The following CASK variants were observed in gnomAD, a reference collection of about 807,000 sequenced individuals.
CASK encodes the protein peripheral plasma membrane protein CASK.
In CASK, 4 loss-of-function variants were observed where a neutral mutation model predicts 82.9. The observed-to-expected ratio is 0.05, with a 90% CI of 0.02 to 0.11. The LOEUF (loss-of-function observed/expected upper bound fraction) is 0.11. Ranked by LOEUF, CASK falls within the 10% of genes least tolerant of loss-of-function variation. The probability of loss-of-function intolerance (pLI) is 1.00; values close to 1 mark genes in which losing one functional copy is unlikely to be tolerated. For synonymous variants in CASK, 259 were observed against 253.5 expected (o/e 1.02, Z -0.20); for missense variants, 358 against 720.9 (o/e 0.50, Z 5.76).
At chrX:41,823,740 T>C (rs1454316004) in intron 2 of CASK, among the ~76,000 whole-genome samples, 1 of 111,659 alleles carries the variant, frequency 9.0e-6, no homozygotes, top group Non-Finnish European at 1.9e-5. Context: ...TTCCCCCTCC[T>C]GGTTTCCTCT....
intron 15 of CASK, among the ~76,000 whole-genome samples, chrX:41,572,751 T>C (rs1185119581): frequency 1.8e-5 from 2 of 112,152 alleles, no homozygotes; most frequent in East Asian, 2.8e-4. Context: ...TTTACCCATA[T>C]AGCTATCATT....
At chrX:41,778,819 A>T (rs1353143978) in intron 3 of CASK, among the ~76,000 whole-genome samples, 1 of 109,666 alleles carries the variant, frequency 9.1e-6, no homozygotes, top group Non-Finnish European at 1.9e-5. Context: ...TGACCACCTA[A>T]ATGTTTTTTA....
chrX:41,846,297 T>C (rs1325100022), intron 2 of CASK, among the ~76,000 whole-genome samples: 1 of 111,191 alleles, frequency 9.0e-6, no homozygotes, highest in Non-Finnish European at 1.9e-5. Flanking sequence ...CTGGAGGTCA[T>C]TATGTTAAAT....
intron 1 of CASK, among the ~76,000 whole-genome samples, chrX:41,911,708 A>G (rs757052891): frequency 1.8e-5 from 2 of 112,008 alleles, no homozygotes; most frequent in South Asian, 3.7e-4. Context: ...TAATCTGTCA[A>G]TTGTCTAAAT....
intron 1 of CASK, among the ~76,000 whole-genome samples, chrX:41,854,224 GCACACACACACACA>G (rs4007745): frequency 3.8e-4 from 31 of 81,733 alleles, no homozygotes; most frequent in African/African-American, 9.7e-4. Context: ...GCGGGCGCGC[GCACACACACACACA>G]CACACACACA....
intron 10 of CASK, among the ~76,000 whole-genome samples, chrX:41,625,051 A>G (rs1190165215): frequency 2.7e-5 from 3 of 111,218 alleles, no homozygotes; most frequent in African/African-American, 9.8e-5. Context: ...ACACACACAC[A>G]CGCATTTACA....
chrX:41,679,061 G>A (rs774387745), intron 5 of CASK, among the ~76,000 whole-genome samples: 5 of 110,555 alleles, frequency 4.5e-5, no homozygotes, highest in Admixed American at 1.9e-4. Context: ...GCACCCCTGC[G>A]TGGGTGACAG....
At chrX:41,730,964 CAA>C (rs2068386558) in intron 5 of CASK, among the ~76,000 whole-genome samples, 1 of 112,021 alleles carries the variant, frequency 8.9e-6, no homozygotes, top group Non-Finnish European at 1.9e-5. Flanking sequence ...CTTGGCCTCC[CAA>C]AGTGTTGGGA....
At chrX:41,785,002 CTTTTTTTTTTT>C (rs368185380) in intron 3 of CASK, among the ~76,000 whole-genome samples, 1,556 of 74,823 alleles carry the variant, frequency 0.021, 34 homozygotes, top group African/African-American at 0.068. Context: ...TTTCAAAATT[CTTTTTTTTTTT>C]TTTTTTTTTT....
At chrX:41,803,585 G>A (rs935460017) in intron 2 of CASK, among the ~76,000 whole-genome samples, 2 of 111,148 alleles carry the variant, frequency 1.8e-5, no homozygotes, top group Admixed American at 1.9e-4. Context: ...GAGCGAGACT[G>A]TCTCAAAAAC....
intron 2 of CASK, among the ~76,000 whole-genome samples, chrX:41,843,712 G>A (rs746788714): frequency 9.1e-6 from 1 of 110,361 alleles, no homozygotes; most frequent in South Asian, 3.8e-4. Flanking sequence ...TCCATACCCT[G>A]GGCAACCACT....
At chrX:41,877,173 C>G (rs1463462944) in intron 1 of CASK, among the ~76,000 whole-genome samples, 2 of 111,466 alleles carry the variant, frequency 1.8e-5, no homozygotes, top group East Asian at 5.6e-4. Context: ...TGACCCCGTC[C>G]CTCTCTGTTT....
intron 8 of CASK, among the ~76,000 whole-genome samples, chrX:41,637,513 G>A (rs1171315533): frequency 8.0e-5 from 8 of 100,014 alleles, no homozygotes; most frequent in Non-Finnish European, 1.2e-4. Context: ...CCAGCACTTT[G>A]GGAGGCTGAG....
chrX:41,573,353 G>T (rs2065442438), intron 15 of CASK, among the ~76,000 whole-genome samples: 1 of 108,727 alleles, frequency 9.2e-6, no homozygotes, highest in African/African-American at 3.4e-5. Context: ...TGGATCTGTG[G>T]GTTTATAGTT....
At chrX:41,667,452 A>G (rs2067135008) in intron 6 of CASK, among the ~76,000 whole-genome samples, 1 of 112,196 alleles carries the variant, frequency 8.9e-6, no homozygotes, top group Admixed American at 9.5e-5. Context: ...GCAGTTTGAG[A>G]TATTTTGGAC....
At chrX:41,865,050 A>G (rs1413413727) in intron 1 of CASK, among the ~76,000 whole-genome samples, 1 of 112,292 alleles carries the variant, frequency 8.9e-6, no homozygotes, top group Non-Finnish European at 1.9e-5. Context: ...TAGGCGACAT[A>G]GTAAAATCAA....
At chrX:41,689,712 A>C (rs2067507724) in intron 5 of CASK, 1 of 112,311 alleles carries the variant, frequency 8.9e-6, no homozygotes, top group Non-Finnish European at 1.9e-5. Flanking sequence ...TTTCCAAAGT[A>C]ATATGTTTTC....
chrX:41,518,650 CTGTT>C lies in CASK; in HGVS notation c.*1766_*1769del, dbSNP rs2064594378. On this transcript the variant is annotated 3_prime_UTR_variant, in exon 27 of 27. Transcript: ENST00000378163. ...TAAAAGAAGTATACTAATGCCTTCT[CTGTT>C]TGGTCCTTTAAGAGGAGCTGTTCAG... The C allele has an allele frequency of 2.7e-5, 3 of 110,439 alleles. No homozygotes were observed. The highest frequency in any genetic ancestry group is 9.7e-5 in the Admixed American group (1 of 10,270). 9.1% of individuals were successfully genotyped at this position (110,439 alleles called of 1,213,427 possible).
chrX:41,682,067 A>C (rs1027022343), intron 5 of CASK, among the ~76,000 whole-genome samples: 1 of 109,118 alleles, frequency 9.2e-6, no homozygotes, highest in Non-Finnish European at 1.9e-5. Flanking sequence ...AAAAAAAAAA[A>C]AAAAAAAAAG....
Sources: allele counts gnomAD v4.1 joint callset (sites outside exome capture counted in the v4.1 genomes callset), GRCh38; gene constraint gnomAD v4.1.1; transcripts MANE v1.5; gene names NCBI Gene and HGNC (gene_info 2026-07-23, HGNC 2026-07-21).